Variants in C8orf34 observed in about 807,000 individuals in gnomAD.
C8orf34 encodes the protein uncharacterized protein C8orf34.
A neutral mutation model predicts 68.3 loss-of-function variants in C8orf34; 65 were observed. That is an observed-to-expected ratio of 0.95 (90% confidence interval 0.78 to 1.17). The LOEUF (loss-of-function observed/expected upper bound fraction) is 1.17, where lower values mean the gene tolerates loss of function less well. Among genes scored for constraint, C8orf34 ranks in the 50% most tolerant of loss-of-function variants. The pLI is 0.00. For missense variants in C8orf34, 664 were observed against 655.4 expected, an observed-to-expected ratio of 1.01 and a Z score of -0.14; for synonymous variants, 244 against 241.2, an observed-to-expected ratio of 1.01 and a Z score of -0.11.
At chr8:68,733,715 T>C (rs1822048281) in intron 10 of C8orf34, among the ~76,000 whole-genome samples, 1 of 152,222 alleles carries the variant, frequency 6.6e-6, no homozygotes, top group Non-Finnish European at 1.5e-5. Context: ...TAGTGATTTT[T>C]ATAGAGTTTC....
chr8:68,797,253 C>A (rs1824205323), intron 12 of C8orf34, among the ~76,000 whole-genome samples: 1 of 152,192 alleles, frequency 6.6e-6, no homozygotes, highest in African/African-American at 2.4e-5. Flanking sequence ...ATCTAATCAT[C>A]TCAGTCTTAA....
intron 8 of C8orf34, among the ~76,000 whole-genome samples, chr8:68,697,647 A>C (rs1034223660): frequency 1.3e-4 from 20 of 152,074 alleles, no homozygotes; most frequent in African/African-American, 4.6e-4. Context: ...GGTTTTAGTA[A>C]GGGCAGATGG....
intron 10 of C8orf34, among the ~76,000 whole-genome samples, chr8:68,749,633 G>C (rs573440871): frequency 6.6e-6 from 1 of 152,134 alleles, no homozygotes; most frequent in East Asian, 1.9e-4. Flanking sequence ...GGAAGCCACT[G>C]ATATACTTTC....
At chr8:68,408,240 C>T (rs1302768453) in intron 1 of C8orf34, among the ~76,000 whole-genome samples, 1 of 151,446 alleles carries the variant, frequency 6.6e-6, no homozygotes, top group Non-Finnish European at 1.5e-5. Context: ...TCACTGTCTC[C>T]CATCACCCCC....
chr8:68,680,487 C>G (rs900872752), intron 8 of C8orf34, among the ~76,000 whole-genome samples: 9 of 152,118 alleles, frequency 5.9e-5, no homozygotes, highest in Non-Finnish European at 1.5e-5. Flanking sequence ...GTGATGCCCC[C>G]CTGAGCCTCA....
At chr8:68,500,134 G>A (rs1237048865) in intron 5 of C8orf34, among the ~76,000 whole-genome samples, 3 of 152,170 alleles carry the variant, frequency 2.0e-5, no homozygotes, top group Non-Finnish European at 4.4e-5. Context: ...GCAGAACCAT[G>A]AGCCAATTAA....
At chr8:68,676,210 T>A (rs1461285149) in intron 8 of C8orf34, among the ~76,000 whole-genome samples, 1 of 152,024 alleles carries the variant, frequency 6.6e-6, no homozygotes, top group Non-Finnish European at 1.5e-5. Flanking sequence ...GGCATACACC[T>A]GTAGTCCCAG....
intron 12 of C8orf34, among the ~76,000 whole-genome samples, chr8:68,803,947 G>A (rs1824407664): frequency 6.6e-6 from 1 of 151,974 alleles, no homozygotes; most frequent in Admixed American, 6.6e-5. Flanking sequence ...TGTTGCTTAT[G>A]AACACTTATT....
chr8:68,746,481 C>A (rs1822497921), intron 10 of C8orf34, among the ~76,000 whole-genome samples: 1 of 134 alleles, frequency 7.5e-3, no homozygotes, highest in Admixed American at 0.071. Flanking sequence ...AATTGATAGA[C>A]CGCTAGCAAG....
chr8:68,362,861 C>T (rs1224589529), intron 1 of C8orf34, among the ~76,000 whole-genome samples: 11 of 141,676 alleles, frequency 7.8e-5, no homozygotes, highest in East Asian at 2.1e-4. Context: ...AGGAACGCAG[C>T]TCCTCACCAG....
chr8:68,459,429 C>G (rs1312955272), intron 3 of C8orf34, among the ~76,000 whole-genome samples: 1 of 152,082 alleles, frequency 6.6e-6, no homozygotes, highest in Non-Finnish European at 1.5e-5. Flanking sequence ...GATGGGGTTT[C>G]TCCATGTTGG....
chr8:68,628,461 G>C (rs1284531212), intron 7 of C8orf34, among the ~76,000 whole-genome samples: 1 of 152,022 alleles, frequency 6.6e-6, no homozygotes, highest in Non-Finnish European at 1.5e-5. Context: ...AACTATAGCT[G>C]TCTCACATAA....
intron 10 of C8orf34, among the ~76,000 whole-genome samples, chr8:68,747,467 A>G (rs1822540458): frequency 1.4e-5 from 2 of 146,232 alleles, no homozygotes; most frequent in East Asian, 3.9e-4. Context: ...AGACGACATG[A>G]TTGTATATCT....
chr8:68,709,118 TGGCA>T, intron 9 of C8orf34, 39 bp downstream of exon 9: 1 of 1,467,558 alleles, frequency 6.8e-7, no homozygotes, highest in Non-Finnish European at 9.5e-7. Context: ...GCAGTTCTAG[TGGCA>T]CTTAAAGATT....
intron 10 of C8orf34, among the ~76,000 whole-genome samples, chr8:68,759,585 G>A (rs190976506): frequency 8.5e-5 from 13 of 152,234 alleles, no homozygotes; most frequent in African/African-American, 2.2e-4. Context: ...GTACCTTGTC[G>A]GGGTCTACTG....
chr8:68,796,822 C>CTTTTTTTTTTTTTTTTTT (rs372049123), intron 12 of C8orf34, among the ~76,000 whole-genome samples: 2 of 122,876 alleles, frequency 1.6e-5, no homozygotes. Context: ...TTGAGTTCTT[C>CTTTTTTTTTTTTTTTTTT]TTTTTTTTTT....
chr8:68,675,681 A>G (rs1341989362), intron 8 of C8orf34, among the ~76,000 whole-genome samples: 2 of 152,308 alleles, frequency 1.3e-5, no homozygotes, highest in East Asian at 3.9e-4. Context: ...AGAAAGAAAC[A>G]CACAAAATAC....
intron 8 of C8orf34, among the ~76,000 whole-genome samples, chr8:68,686,541 T>C (rs1820524436): frequency 6.6e-6 from 1 of 152,074 alleles, no homozygotes; most frequent in African/African-American, 2.4e-5. Flanking sequence ...ATCATCTCAA[T>C]AGATGCAATA....
At chr8:68,608,752 G>C (rs1482017525) in intron 7 of C8orf34, among the ~76,000 whole-genome samples, 2 of 151,968 alleles carry the variant, frequency 1.3e-5, no homozygotes, top group African/African-American at 2.4e-5. Context: ...AGGTCTGATG[G>C]GGGGGATGAG....
Sources: allele counts gnomAD v4.1 joint callset (sites outside exome capture counted in the v4.1 genomes callset), GRCh38; gene constraint gnomAD v4.1.1; transcripts MANE v1.5; gene names NCBI Gene and HGNC (gene_info 2026-07-23, HGNC 2026-07-21).